KIF26B: variants seen among roughly 807,000 people sequenced by gnomAD.
The protein encoded by KIF26B is kinesin-like protein KIF26B.
In KIF26B, 63 loss-of-function variants were observed where a neutral mutation model predicts 151.2. The ratio of observed to expected loss-of-function variants is 0.42; its 90% CI spans 0.34 to 0.51. The LOEUF is 0.51. Among genes scored for constraint, KIF26B ranks in the 20% least tolerant of loss-of-function variants. KIF26B has a pLI of 0.07. For missense variants in KIF26B, 2,813 were observed against 2,913.6 expected, an observed-to-expected ratio of 0.97 and a Z score of 0.79; for synonymous variants, 1,357 against 1,262.1, an observed-to-expected ratio of 1.08 and a Z score of -1.59.
At chr1:245,511,928 A>G (rs1043526415) in intron 4 of KIF26B, among the ~76,000 whole-genome samples, 1 of 152,250 alleles carries the variant, frequency 6.6e-6, no homozygotes, top group East Asian at 1.9e-4. Flanking sequence ...ATTTAAAAAT[A>G]TGATCTGCCT....
chr1:245,354,734 A>T (rs1336225088), intron 2 of KIF26B, among the ~76,000 whole-genome samples: 1 of 152,142 alleles, frequency 6.6e-6, no homozygotes, highest in Non-Finnish European at 1.5e-5. Flanking sequence ...GTACCTCCAC[A>T]TAAGGGAAAC....
chr1:245,430,877 C>T (rs930256752), intron 4 of KIF26B, among the ~76,000 whole-genome samples: 2 of 152,088 alleles, frequency 1.3e-5, no homozygotes, highest in Non-Finnish European at 2.9e-5. Context: ...CATAGGGATC[C>T]GAGCCAGGTG....
intron 2 of KIF26B, among the ~76,000 whole-genome samples, chr1:245,298,457 A>G (rs12043715): frequency 0.076 from 11,525 of 152,278 alleles, 460 homozygotes; most frequent in African/African-American, 0.11. Context: ...AGGCAAAATC[A>G]TAGAGAAAGA....
intron 9 of KIF26B, among the ~76,000 whole-genome samples, chr1:245,620,858 C>T (rs1474857417): frequency 6.6e-6 from 1 of 152,196 alleles, no homozygotes; most frequent in Non-Finnish European, 1.5e-5. Context: ...GGAGGAAACA[C>T]AGCTGACCTA....
intron 9 of KIF26B, among the ~76,000 whole-genome samples, chr1:245,643,250 TTC>T (rs2043912454): frequency 6.6e-6 from 1 of 152,206 alleles, no homozygotes; most frequent in African/African-American, 2.4e-5. Context: ...AAATATTATT[TTC>T]TGTTTTCTAT....
chr1:245,414,346 G>C (rs1318361736), intron 3 of KIF26B, among the ~76,000 whole-genome samples: 1 of 152,206 alleles, frequency 6.6e-6, no homozygotes, highest in Non-Finnish European at 1.5e-5. Context: ...TGGGATGGGA[G>C]GTCAACTCCT....
At chr1:245,639,467 T>C (rs2043865752) in intron 9 of KIF26B, among the ~76,000 whole-genome samples, 1 of 151,900 alleles carries the variant, frequency 6.6e-6, no homozygotes, top group Non-Finnish European at 1.5e-5. Flanking sequence ...CTCAATTTCA[T>C]TTATTTCTGC....
intron 2 of KIF26B, among the ~76,000 whole-genome samples, chr1:245,225,470 A>G (rs1019145304): frequency 5.3e-5 from 8 of 152,250 alleles, no homozygotes; most frequent in Non-Finnish European, 1.2e-4. Context: ...TGATGGAGAA[A>G]ACATGCGTCG....
intron 2 of KIF26B, among the ~76,000 whole-genome samples, chr1:245,159,422 CT>C (rs1668499293): frequency 2.0e-5 from 3 of 152,106 alleles, no homozygotes; most frequent in African/African-American, 7.2e-5. Flanking sequence ...TTCCTCTCTA[CT>C]TTTTAACTTT....
In KIF26B at chr1:245,679,310, A is replaced by G. The variant is rs72764835; in HGVS notation, c.2259-4923A>G. 5.0e-3 allele frequency among the ~76,000 whole-genome samples: 760 copies of G among 152,174 alleles called. 4 individuals carry two copies. Among genetic ancestry groups the G allele is most frequent in the South Asian group, 0.011 (55 of 4,820 alleles). Reference sequence around the variant, plus strand: ...GTCAGCCCTGTGCCTGAGTGATAACATGCTCTTTCATGCCTTTAAAAATGA... The same window carrying G: ...GTCAGCCCTGTGCCTGAGTGATAACGTGCTCTTTCATGCCTTTAAAAATGA... On this transcript the variant is annotated intron_variant, in intron 10 of 14. Transcript: ENST00000407071.
intron 5 of KIF26B, among the ~76,000 whole-genome samples, chr1:245,545,618 T>C (rs1052180871): frequency 6.6e-6 from 1 of 152,248 alleles, no homozygotes; most frequent in Non-Finnish European, 1.5e-5. Flanking sequence ...AAAATGATTC[T>C]GTCTCACTTT....
intron 2 of KIF26B, among the ~76,000 whole-genome samples, chr1:245,287,492 CTCTCTCTT>C (rs1345923526): frequency 1.6e-4 from 22 of 136,534 alleles, no homozygotes; most frequent in African/African-American, 6.1e-4. Flanking sequence ...TCTCATCTCT[CTCTCTCTT>C]TTTTTTTTTT....
intron 4 of KIF26B, among the ~76,000 whole-genome samples, chr1:245,455,497 G>A (rs1659497250): frequency 6.6e-6 from 1 of 152,036 alleles, no homozygotes; most frequent in African/African-American, 2.4e-5. Flanking sequence ...AGTGAGATCT[G>A]TCTGAAAAAA....
At position 245,685,706 on chromosome 1, in the gene KIF26B, C is replaced by T. The variant is rs534790559; in HGVS notation, c.2723C>T (p.Ala908Val). 2 of 1,611,916 alleles carry T rather than the reference C, an allele frequency of 1.2e-6. No homozygotes were observed. The highest frequency in any genetic ancestry group is 1.7e-6 in the Non-Finnish European group (2 of 1,179,212). The part of the protein sequence containing the change: ...KTRGDSRPAE[A>V]GEAAAGKSER... ...CGGGGCGACAGCCGGCCCGCAGAGG[C>T]AGGAGAGGCTGCAGCCGGCAAGTCA... The change falls in exon 12 of 15, where the codon GCA (alanine) becomes GTA (valine). Residue 908 changes from alanine to valine, a missense_variant. Ala to Val is a moderately conservative substitution (Grantham distance 64, BLOSUM62 0). Around this residue, in one of 3 missense-constraint regions of KIF26B, gnomAD observed 2,060 missense variants for 2,088.6 expected, o/e 0.99. Transcript: ENST00000407071.
chr1:245,440,485 T>C (rs1659052416), intron 4 of KIF26B, among the ~76,000 whole-genome samples: 1 of 152,184 alleles, frequency 6.6e-6, no homozygotes, highest in Non-Finnish European at 1.5e-5. Flanking sequence ...TAAGACACAG[T>C]ACCGACTGAG....
chr1:245,432,564 C>T (rs537620890), intron 4 of KIF26B, among the ~76,000 whole-genome samples: 87 of 152,324 alleles, frequency 5.7e-4, no homozygotes, highest in African/African-American at 1.9e-3. Context: ...ATCTTTTCTT[C>T]CCTTGAATAA....
intron 5 of KIF26B, among the ~76,000 whole-genome samples, chr1:245,591,726 A>G (rs1484493666): frequency 6.6e-6 from 1 of 152,158 alleles, no homozygotes; most frequent in Non-Finnish European, 1.5e-5. Flanking sequence ...TCCATTTAAA[A>G]TCAGTTCCCT....
At chr1:245,386,154 T>A (rs1281484414) in intron 3 of KIF26B, among the ~76,000 whole-genome samples, 1 of 151,916 alleles carries the variant, frequency 6.6e-6, no homozygotes, top group Non-Finnish European at 1.5e-5. Flanking sequence ...GGCAGGACAA[T>A]TGCTTGAACC....
chr1:245,162,691 G>A (rs1668552920), intron 2 of KIF26B, among the ~76,000 whole-genome samples: 2 of 152,118 alleles, frequency 1.3e-5, no homozygotes, highest in African/African-American at 4.8e-5. Context: ...AAGTACATTC[G>A]TGTAGATGCA....
Sources: gnomAD v4.1 joint callset for allele counts (sites outside exome capture counted in the v4.1 genomes callset) on GRCh38, gnomAD v4.1.1 for gene constraint, gnomAD v4.1.1 regional missense constraint, MANE v1.5 for transcripts, NCBI Gene and HGNC (gene_info 2026-07-23, HGNC 2026-07-21) for gene names.